The following DHCR24 variants were observed in gnomAD, a reference collection of about 807,000 sequenced individuals.
DHCR24 encodes the protein 24-dehydrocholesterol reductase.
DHCR24 carries 28 observed loss-of-function variants against 61.2 expected under a neutral mutation model. The ratio of observed to expected loss-of-function variants is 0.46; its 90% CI spans 0.34 to 0.63. The LOEUF is 0.63. Ranked by LOEUF, DHCR24 falls within the 20% of genes least tolerant of loss-of-function variation. The pLI is 0.01. For missense variants in DHCR24, 538 were observed against 679.1 expected (o/e 0.79, Z 2.31); for synonymous variants, 261 against 275.9 (o/e 0.95, Z 0.54).
chr1:54,852,476 AAAAGG>A (rs2101553970), intron 8 of DHCR24, 90 bp from the exon 9 acceptor site: 3 of 1,473,046 alleles, frequency 2.0e-6, no homozygotes, highest in Non-Finnish European at 2.8e-6. Context: ...TGCAGCCCAG[AAAAGG>A]CTTTTGGAGG....
At chr1:54,879,352 A>AG (rs573285056) in intron 2 of DHCR24, among the ~76,000 whole-genome samples, 4 of 128,162 alleles carry the variant, frequency 3.1e-5, no homozygotes, top group African/African-American at 1.2e-4. Context: ...AAAAAAAAAA[A>AG]TCCAAATCAA....
chr1:54,875,070 A>T (rs763740496), intron 4 of DHCR24, 23 bp downstream of exon 4: 4 of 1,601,240 alleles, frequency 2.5e-6, no homozygotes, highest in Non-Finnish European at 3.4e-6. Flanking sequence ...GCTGGCATGG[A>T]CATCTCCCAT....
Position 54,852,352 on chromosome 1 carries a change from G to C in DHCR24, c.1432C>G (p.Arg478Gly). ...QMLYADCYMN[R>G]EEFWEMFDGS... Reference sequence around the variant, plus strand: ...TCAAACATCTCCCAGAACTCCTCCCGGTTCATGTAGCAGTCGGCATACAGC... The same window carrying C: ...TCAAACATCTCCCAGAACTCCTCCCCGTTCATGTAGCAGTCGGCATACAGC... Residue 478 changes from arginine to glycine, a missense_variant, in exon 9 of 9, where the codon CGG (arginine) becomes GGG (glycine). By Grantham distance (125) the Arg-to-Gly change is moderately radical. Coordinates refer to ENST00000371269, the MANE Select transcript of DHCR24 (RefSeq NM_014762.4). 6 of 1,614,150 alleles carry C rather than the reference G, an allele frequency of 3.7e-6. No homozygotes were observed. In the South Asian group the frequency reaches 5.5e-5, roughly 15 times the overall value.
intron 6 of DHCR24, among the ~76,000 whole-genome samples, chr1:54,855,691 G>A (rs968307185): frequency 2.0e-5 from 3 of 152,180 alleles, no homozygotes; most frequent in African/African-American, 7.2e-5. Flanking sequence ...TGGAGCTGCC[G>A]GACCACTCCC....
intron 6 of DHCR24, among the ~76,000 whole-genome samples, chr1:54,861,273 C>A (rs1035175288): frequency 3.9e-5 from 6 of 152,172 alleles, no homozygotes; most frequent in Non-Finnish European, 7.3e-5. Context: ...TATGTACCAT[C>A]CCTGGCTGTT....
intron 2 of DHCR24, among the ~76,000 whole-genome samples, chr1:54,879,249 G>A (rs1330261337): frequency 6.7e-6 from 1 of 148,372 alleles, no homozygotes; most frequent in Admixed American, 6.9e-5. Flanking sequence ...AACCCAGGAG[G>A]TGGAGGTTGC....
intron 2 of DHCR24, among the ~76,000 whole-genome samples, chr1:54,880,690 G>A (rs1247931810): frequency 6.6e-6 from 1 of 152,040 alleles, no homozygotes; most frequent in Non-Finnish European, 1.5e-5. Flanking sequence ...GCTTGAAACC[G>A]GGAGATGGAG....
At chr1:54,861,190 C>T (rs561610840) in intron 6 of DHCR24, among the ~76,000 whole-genome samples, 5 of 152,134 alleles carry the variant, frequency 3.3e-5, no homozygotes, top group South Asian at 2.1e-4. Context: ...AGTGTGGGAG[C>T]GGAAGTGAGC....
intron 2 of DHCR24, among the ~76,000 whole-genome samples, chr1:54,878,598 C>A (rs930685373): frequency 1.3e-5 from 2 of 150,552 alleles, no homozygotes. Context: ...GTGTCTGTTC[C>A]CACAAGCCAG....
In DHCR24 at chr1:54,885,617, C is replaced by T. The variant is rs145653024; in HGVS notation, c.231+1272G>A. ...AGGGTTGCTGTGAGGATGGCAATGG[C>T]ACATGGCAGGTCTGGGGTAGAGGCT... On this transcript the variant is annotated intron_variant, in intron 1 of 8. Transcript: ENST00000371269. 8.0e-3 allele frequency among the ~76,000 whole-genome samples: 1,214 copies of T among 152,236 alleles called. 5 individuals are homozygous for T. The highest frequency in any genetic ancestry group is 0.012 in the Non-Finnish European group (816 of 68,008).
chr1:54,880,156 C>T (rs183415714), intron 2 of DHCR24, among the ~76,000 whole-genome samples: 130 of 152,200 alleles, frequency 8.5e-4, no homozygotes, highest in African/African-American at 2.7e-3. Context: ...GTATCAAGAA[C>T]GAAAGACCTG....
chr1:54,882,011 A>G (rs1050719221), intron 2 of DHCR24, among the ~76,000 whole-genome samples: 2 of 152,180 alleles, frequency 1.3e-5, no homozygotes, highest in African/African-American at 2.4e-5. Flanking sequence ...ATCAGGAAAA[A>G]TAACTAATAG....
At chr1:54,876,237 G>C (rs938399643) in intron 2 of DHCR24, among the ~76,000 whole-genome samples, 190 bp from the exon 3 acceptor site, 4 of 152,180 alleles carry the variant, frequency 2.6e-5, no homozygotes, top group African/African-American at 9.7e-5. Context: ...CTCTCGGTTA[G>C]CTAGTGTTCA....
chr1:54,855,448 T>G (rs1281710949), intron 6 of DHCR24, among the ~76,000 whole-genome samples: 3 of 150,602 alleles, frequency 2.0e-5, no homozygotes, highest in Non-Finnish European at 4.4e-5. Flanking sequence ...AACCAGGTTC[T>G]ATGCTGGGTG....
At position 54,853,526 on chromosome 1, in the gene DHCR24, G is replaced by A. The variant is rs150219029; in HGVS notation, c.1305C>T (p.Ile435=). 1.8e-4 allele frequency: 285 copies of A among 1,614,054 alleles called. No homozygotes were observed. The African/African-American group carries it at 3.3e-3, about 19-fold the overall frequency. The change falls in exon 8 of 9, where the codon ATC becomes ATT. Residue 435 remains isoleucine, a synonymous_variant. Transcript: ENST00000371269. ...HPKGNEAELY[I]DIGAYGEPRV... ...GCGGCTCCCCATATGCTCCAATGTC[G>A]ATGTAGAGCTCTGCCTCATTTCCTT...
At chr1:54,853,302 G>A in intron 8 of DHCR24, 132 bp downstream of exon 8, 5 of 1,187,034 alleles carry the variant, frequency 4.2e-6, no homozygotes, top group Non-Finnish European at 6.1e-6. Flanking sequence ...GGCTGCCACA[G>A]CTGCAGGGGC....
intron 6 of DHCR24, among the ~76,000 whole-genome samples, chr1:54,856,650 G>A (rs1170323838): frequency 6.6e-6 from 1 of 151,960 alleles, no homozygotes; most frequent in African/African-American, 2.4e-5. Flanking sequence ...CAGCAGATGT[G>A]TCATAATTTA....
chr1:54,882,128 TAAAA>T (rs775450745), intron 2 of DHCR24, among the ~76,000 whole-genome samples: 3 of 29,300 alleles, frequency 1.0e-4, no homozygotes, highest in South Asian at 1.3e-3. Context: ...TTTAAAAGTT[TAAAA>T]GAAAAAAAAA....
chr1:54,865,577 T>G, intron 5 of DHCR24, 131 bp from the exon 6 acceptor site: 1 of 1,221,968 alleles, frequency 8.2e-7, no homozygotes, highest in Non-Finnish European at 1.2e-6. Context: ...ATTACTGCCT[T>G]TGAGACTCTT....
Sources: gnomAD v4.1 joint callset for allele counts (sites outside exome capture counted in the v4.1 genomes callset) on GRCh38, gnomAD v4.1.1 for gene constraint, MANE v1.5 for transcripts, NCBI Gene and HGNC (gene_info 2026-07-23, HGNC 2026-07-21) for gene names.